PAX7: variants seen among roughly 807,000 people sequenced by gnomAD.
PAX7 encodes the protein paired box 7, also known as paired box protein Pax-7.
Under a neutral mutation model 50.7 loss-of-function variants are expected in PAX7, and 18 were observed. The ratio of observed to expected loss-of-function variants is 0.36; its 90% CI spans 0.25 to 0.53. PAX7 has a LOEUF of 0.53. PAX7 is among the 20% of genes least tolerant of loss of function. The pLI is 0.93. For missense variants in PAX7, 644 were observed against 702.9 expected (o/e 0.92, Z 0.95); for synonymous variants, 310 against 290.4 (o/e 1.07, Z -0.69).
At position 18,747,421 on chromosome 1, in the gene PAX7, A is replaced by G. The variant is rs763234402; in HGVS notation, c.*2492A>G. 1.3e-5 allele frequency: 3 copies of G among 226,544 alleles called. No homozygotes were observed. Among genetic ancestry groups the G allele is most frequent in the Non-Finnish European group, 2.6e-5 (3 of 113,904 alleles). The allele number at this position is 226,544 out of a possible 1,614,324, so 14.0% of individuals were successfully genotyped here. ...TTGACAGGCCCCACCCCCTTCAGAA[A>G]GAGGCCCTTGACCCTGATAGGTTCT... On this transcript the variant is annotated 3_prime_UTR_variant, in exon 9 of 9. Transcript: ENST00000420770.
intron 7 of PAX7, among the ~76,000 whole-genome samples, chr1:18,727,253 AAC>A (rs145684273): frequency 0.036 from 5,347 of 147,612 alleles, 133 homozygotes; most frequent in East Asian, 0.098. Context: ...GCATGCATAC[AAC>A]ACACACACAC....
chr1:18,716,842 GCC>G (rs565718147), intron 7 of PAX7, among the ~76,000 whole-genome samples: 2 of 139,038 alleles, frequency 1.4e-5, no homozygotes, highest in African/African-American at 6.5e-5. Context: ...GCCCCTGCGC[GCC>G]CCCCTTGCCC....
intron 7 of PAX7, among the ~76,000 whole-genome samples, chr1:18,712,875 A>G (rs558927563): frequency 6.6e-6 from 1 of 152,224 alleles, no homozygotes; most frequent in South Asian, 2.1e-4. Flanking sequence ...TGAGGTCAGG[A>G]GACTGAGACC....
In PAX7 at chr1:18,643,078, G is replaced by C. The variant is rs573919531; in HGVS notation, c.586+6707G>C. On this transcript the variant is annotated intron_variant, in intron 4 of 8. Transcript: ENST00000420770. ...AGCGTCTGCGGGTCGCTACAGCCTC[G>C]GGAGGGGTGAAGGGAAGTTGTGTGC... Among the ~76,000 whole-genome samples the C allele has an allele frequency of 2.7e-4, 41 of 152,274 alleles. No homozygotes were observed. In the South Asian group the frequency reaches 8.5e-3, roughly 32 times the overall value.
intron 4 of PAX7, among the ~76,000 whole-genome samples, chr1:18,644,830 C>G (rs1468423224): frequency 6.6e-6 from 1 of 152,186 alleles, no homozygotes; most frequent in African/African-American, 2.4e-5. Context: ...TATGCTCCCC[C>G]TTTTACCTAT....
At chr1:18,741,837 T>G (rs1931150575) in intron 8 of PAX7, among the ~76,000 whole-genome samples, 1 of 152,208 alleles carries the variant, frequency 6.6e-6, no homozygotes, top group African/African-American at 2.4e-5. Context: ...TCTAGTGTTT[T>G]GCATGTACAA....
intron 7 of PAX7, among the ~76,000 whole-genome samples, chr1:18,708,504 GTGAT>G (rs2089311467): frequency 6.6e-6 from 1 of 152,110 alleles, no homozygotes; most frequent in African/African-American, 2.4e-5. Flanking sequence ...GCAGTGAGCT[GTGAT>G]TGTGCCACTG....
At chr1:18,741,432 A>G (rs1204026996) in intron 8 of PAX7, among the ~76,000 whole-genome samples, 1 of 151,020 alleles carries the variant, frequency 6.6e-6, no homozygotes, top group African/African-American at 2.5e-5. Context: ...CCTGGGAGAC[A>G]GAGTGAGACT....
rs1009870267 is a variant in PAX7, at chr1:18,631,500, A to AG, written c.-104_-103insG. On this transcript the variant is annotated 5_prime_UTR_variant, in exon 1 of 9. Coordinates refer to ENST00000420770, the MANE Select transcript of PAX7 (RefSeq NM_001135254.2). ...AGGGGAGGGAGAAGAGGTTAAAAAA[A>AG]AGAAGACGAAGAAGACGGAAAGAAA... is the stretch of plus-strand genomic sequence containing the variant. The AG allele has an allele frequency of 1.0e-6, 1 of 975,612 alleles. No individual in the cohort carries two copies. Among genetic ancestry groups the AG allele is most frequent in the African/African-American group, 1.6e-5 (1 of 61,662 alleles). 60.4% of individuals were successfully genotyped at this position (975,612 alleles called of 1,614,324 possible).
chr1:18,658,937 T>A (rs1261943709), intron 4 of PAX7, among the ~76,000 whole-genome samples: 2 of 152,160 alleles, frequency 1.3e-5, no homozygotes, highest in African/African-American at 4.8e-5. Context: ...TGTGTGTGCA[T>A]ATGTGTGTGT....
At chr1:18,657,097 T>G (rs2088533055) in intron 4 of PAX7, among the ~76,000 whole-genome samples, 1 of 152,180 alleles carries the variant, frequency 6.6e-6, no homozygotes, top group Non-Finnish European at 1.5e-5. Flanking sequence ...AGGAATGTCC[T>G]TTTTTCTTTA....
intron 5 of PAX7, among the ~76,000 whole-genome samples, chr1:18,694,267 G>A (rs598193): frequency 0.14 from 20,861 of 152,008 alleles, 1,898 homozygotes; most frequent in Non-Finnish European, 0.21. Context: ...TTTGAGACCA[G>A]CCTGACCAAC....
In PAX7 at chr1:18,700,795, A is replaced by ACCATCT; in HGVS notation, c.931_932insATCTCC (p.Tyr310_Pro311insHisLeu). ...CCCTACCAGCTGCCGGACTCCACCT[A>ACCATCT]CCCCACCACCACCATCTCCCAAGGT... On this transcript the variant is annotated inframe_insertion, in exon 6 of 9. Coordinates refer to ENST00000420770, the MANE Select transcript of PAX7 (RefSeq NM_001135254.2). This position sits in a 1 kb window ranked among gnomAD's most constrained non-coding sequence, Gnocchi z 4.8. The ACCATCT allele has an allele frequency of 6.5e-7, 1 of 1,543,534 alleles. No individual in the cohort carries two copies. The highest frequency in any genetic ancestry group is 8.7e-7 in the Non-Finnish European group (1 of 1,144,392).
chr1:18,719,686 A>G (rs2089470198), intron 7 of PAX7, among the ~76,000 whole-genome samples: 1 of 151,876 alleles, frequency 6.6e-6, no homozygotes, highest in South Asian at 2.1e-4. Context: ...ATAGATAATG[A>G]CCTCTGCTGG....
intron 4 of PAX7, among the ~76,000 whole-genome samples, chr1:18,647,189 G>C (rs2088358424): frequency 1.3e-5 from 2 of 152,162 alleles, no homozygotes; most frequent in Admixed American, 1.3e-4. Flanking sequence ...TGCCCGCGCC[G>C]GCCAGCGGAG....
rs576363451 is a variant in PAX7, at chr1:18,660,759, G to C, written c.586+24388G>C. On this transcript the variant is annotated intron_variant, in intron 4 of 8. Transcript: ENST00000420770. ...GGAATCCTGAGTGAAAAAACAGAAG[G>C]GGGCTCAGAGGTGGGGCCCAGTCCT... 3.9e-5 allele frequency among the ~76,000 whole-genome samples: 6 copies of C among 152,224 alleles called. No homozygotes were observed. The East Asian group carries it at 7.7e-4, about 20-fold the overall frequency.
intron 4 of PAX7, among the ~76,000 whole-genome samples, chr1:18,679,698 G>A (rs757622844): frequency 6.6e-6 from 1 of 152,194 alleles, no homozygotes; most frequent in African/African-American, 2.4e-5. Flanking sequence ...AGGATGGGAT[G>A]GGATGGACGT....
chr1:18,735,634 G>A lies in PAX7; in HGVS notation c.1158G>A (p.Val386=). Reference sequence around the variant, plus strand: ...CACTAATGGCCTTTTCCCCACAGGTGATGAGCATCTTGGGCAACCCCAGTG... The same window carrying A: ...CACTAATGGCCTTTTCCCCACAGGTAATGAGCATCTTGGGCAACCCCAGTG... ...NPVSNGLSPQ[V]MSILGNPSAV... is the part of the protein sequence containing the mutation. Residue 386 remains valine (V), a splice_region_variant and synonymous_variant, in exon 8 of 9, where the codon GTG becomes GTA. Coordinates refer to ENST00000420770, the MANE Select transcript of PAX7 (RefSeq NM_001135254.2). The surrounding 1 kb of genome is among the most constrained non-coding windows in gnomAD (Gnocchi z 4.0). The A allele has an allele frequency of 6.2e-7, 1 of 1,611,110 alleles. No homozygotes were observed. Among genetic ancestry groups the A allele is most frequent in the Non-Finnish European group, 8.5e-7 (1 of 1,177,868 alleles).
chr1:18,638,775 TA>T (rs1262084374), intron 4 of PAX7, among the ~76,000 whole-genome samples: 1 of 152,218 alleles, frequency 6.6e-6, no homozygotes, highest in East Asian at 1.9e-4. Context: ...GAGCAAATTG[TA>T]TCCGTTTCCT....
Sources: allele counts gnomAD v4.1 joint callset (sites outside exome capture counted in the v4.1 genomes callset), GRCh38; gene constraint gnomAD v4.1.1; non-coding constraint Gnocchi (gnomAD v3.1); transcripts MANE v1.5; gene names NCBI Gene and HGNC (gene_info 2026-07-23, HGNC 2026-07-21).